CHD8: variants seen among roughly 807,000 people sequenced by gnomAD.
The protein encoded by CHD8 is ATP-dependent chromatin remodeler CHD8.
In CHD8, 31 loss-of-function variants were observed where a neutral mutation model predicts 279.2. That is an observed-to-expected ratio of 0.11 (90% confidence interval 0.08 to 0.15). The LOEUF (loss-of-function observed/expected upper bound fraction) is 0.15, where lower values mean the gene tolerates loss of function less well. Ranked by LOEUF, CHD8 falls within the 10% of genes least tolerant of loss-of-function variation. CHD8 has a pLI of 1.00. For synonymous variants in CHD8, 1,081 were observed against 1,139.6 expected, an observed-to-expected ratio of 0.95 and a Z score of 1.04; for missense variants, 2,146 against 3,230.5, an observed-to-expected ratio of 0.66 and a Z score of 8.14.
intron 5 of CHD8, among the ~76,000 whole-genome samples, chr14:21,418,770 C>G (rs572863509): frequency 1.6e-4 from 24 of 152,314 alleles, no homozygotes; most frequent in African/African-American, 5.3e-4. Flanking sequence ...GAGCGGAGAT[C>G]GCGCCACTGC....
At position 21,431,707 on chromosome 14, in the gene CHD8, GCTCTCCCCTCCC is replaced by G. The variant is rs1180358686; in HGVS notation, c.-76_-65del. 6.2e-7 allele frequency: 1 copy of G among 1,601,144 alleles called. No individual in the cohort carries two copies. Among genetic ancestry groups the G allele is most frequent in the Non-Finnish European group, 8.5e-7 (1 of 1,173,546 alleles). The stretch of plus-strand genomic sequence containing the variant: ...GGAGGGAAGGGGAGGGGGGGTACTG[GCTCTCCCCTCCC>G]CTCCCCTATTAAGAAAAAAATGTAC... On this transcript the variant is annotated 5_prime_UTR_variant, in exon 2 of 38. Transcript: ENST00000646647.
chr14:21,396,099 C>A (rs1380463301), intron 27 of CHD8, among the ~76,000 whole-genome samples: 1 of 152,134 alleles, frequency 6.6e-6, no homozygotes, highest in African/African-American at 2.4e-5. Context: ...TGGACTCAAG[C>A]GATCCTCCTC....
chr14:21,405,688 C>T lies in CHD8; in HGVS notation c.3051+33G>A. ...TTGTACAAACTTCACCTTCTTTGTC[C>T]TGAGTTAGTACCTCATCAGATAGAT... On this transcript the variant is annotated intron_variant, in intron 15 of 37. Coordinates refer to ENST00000646647, the MANE Select transcript of CHD8 (RefSeq NM_001170629.2). The surrounding 1 kb of genome is among the most constrained non-coding windows in gnomAD (Gnocchi z 4.2). The T allele has an allele frequency of 6.2e-7, 1 of 1,609,338 alleles. No homozygotes were observed. The highest frequency in any genetic ancestry group is 8.5e-7 in the Non-Finnish European group (1 of 1,177,628).
chr14:21,393,884 C>G lies in CHD8; in HGVS notation c.5911G>C (p.Gly1971Arg). The change falls in exon 32 of 38, where the codon GGA becomes CGA. Residue 1971 changes from glycine (G) to arginine (R), a missense_variant. By Grantham distance (125) the Gly-to-Arg change is moderately radical. Around this residue, in one of 26 missense-constraint regions of CHD8, gnomAD observed 513 missense variants for 637.6 expected, o/e 0.80. Coordinates refer to ENST00000646647, the MANE Select transcript of CHD8 (RefSeq NM_001170629.2). ...CGTGACAAGGATGGAGCTGGTGCTC[C>G]TGCTTGATGGTTCTGCATATAATTC... is the stretch of plus-strand genomic sequence containing the variant. Reference protein sequence around the residue: ...RMNYMQNHQAGAPAPSLSRCS... With the variant: ...RMNYMQNHQARAPAPSLSRCS... The G allele has an allele frequency of 6.2e-7, 1 of 1,613,988 alleles. No individual in the cohort carries two copies. The highest frequency in any genetic ancestry group is 8.5e-7 in the Non-Finnish European group (1 of 1,179,892).
At chr14:21,428,852 A>C in intron 3 of CHD8, 112 bp downstream of exon 3, 6 of 904,004 alleles carry the variant, frequency 6.6e-6, no homozygotes, top group Non-Finnish European at 1.0e-5. Flanking sequence ...CTCAGTTCAG[A>C]GATATAAATC....
At chr14:21,407,634 A>G (rs1165054383) in intron 13 of CHD8, among the ~76,000 whole-genome samples, 2 of 151,988 alleles carry the variant, frequency 1.3e-5, no homozygotes, top group Non-Finnish European at 2.9e-5. Flanking sequence ...TTTGAGACAC[A>G]GTCTCACTCT....
chr14:21,406,879 C>T lies in CHD8; in HGVS notation c.2884G>A (p.Asp962Asn). Residue 962 changes from aspartate to asparagine, a missense_variant, in exon 14 of 38, where the codon GAT (aspartate) becomes AAT (asparagine). Asp to Asn is a conservative substitution (Grantham distance 23). Coordinates refer to ENST00000646647, the MANE Select transcript of CHD8 (RefSeq NM_001170629.2). ...ACCAGGTCCATGTGCTTGAGACTAT[C>T]AAGCAGCTTGCAATTACGGTTTTTC... The part of the protein sequence containing the change: ...RLKNRNCKLL[D>N]SLKHMDLEHK... 1.2e-6 allele frequency: 2 copies of T among 1,613,554 alleles called. No homozygotes were observed. Among genetic ancestry groups the T allele is most frequent in the Non-Finnish European group, 1.7e-6 (2 of 1,179,698 alleles).
intron 4 of CHD8, chr14:21,426,639 A>G (rs758014930): frequency 5.7e-5 from 9 of 156,748 alleles, no homozygotes; most frequent in Non-Finnish European, 1.3e-4. Context: ...CTGAGGCTCA[A>G]ATAAGAAACA....
At chr14:21,433,670 T>C (rs532026926) in intron 1 of CHD8, among the ~76,000 whole-genome samples, 1 of 152,346 alleles carries the variant, frequency 6.6e-6, no homozygotes, top group East Asian at 1.9e-4. Context: ...AATTACAAAG[T>C]ATACATGGTA....
intron 3 of CHD8, among the ~76,000 whole-genome samples, 163 bp downstream of exon 3, chr14:21,428,801 T>C (rs113152967): frequency 1.1e-4 from 17 of 152,336 alleles, no homozygotes; most frequent in Non-Finnish European, 2.2e-4. Flanking sequence ...AATAATATAA[T>C]TAAAATAAGG....
At chr14:21,413,258 T>G (rs576212544) in intron 9 of CHD8, among the ~76,000 whole-genome samples, 1 of 152,362 alleles carries the variant, frequency 6.6e-6, no homozygotes, top group South Asian at 2.1e-4. Context: ...TCATTGCTTC[T>G]TGTATTCTTA....
chr14:21,437,281 T>G, intron 1 of CHD8: 1 of 1,138,528 alleles, frequency 8.8e-7, no homozygotes, highest in Non-Finnish European at 1.1e-6. Context: ...AACCTGATGC[T>G]CCTGCCCGCC....
chr14:21,392,207 C>T, intron 34 of CHD8: 1 of 754,584 alleles, frequency 1.3e-6, no homozygotes. Context: ...TAGGGTAAAA[C>T]TCCCTACCTG....
chr14:21,399,802 A>T, intron 25 of CHD8, 97 bp from the exon 26 acceptor site: 1 of 986,034 alleles, frequency 1.0e-6, no homozygotes, highest in Non-Finnish European at 1.6e-6. Context: ...GTATCCATTA[A>T]TTTAAATACT....
rs138000359 is a variant in CHD8, at chr14:21,430,675, T to C, written c.843+126A>G. On this transcript the variant is annotated intron_variant, in intron 2 of 37. Transcript: ENST00000646647. The stretch of plus-strand genomic sequence containing the variant: ...CTAAGTATGTGGCTGTCACACTAAC[T>C]GATAAAAACCAAAGATGGAATTTAA... The C allele has an allele frequency of 3.2e-3, 2,036 of 644,856 alleles. 12 individuals are homozygous for C. Among genetic ancestry groups the C allele is most frequent in the Middle Eastern group, 8.0e-3 (19 of 2,376 alleles). The allele number at this position is 644,856 out of a possible 1,614,324, so 39.9% of individuals were successfully genotyped here. A position where few individuals can be genotyped will look rare whatever the true frequency, so the allele number is the denominator to read the frequency against.
Position 21,385,334 on chromosome 14 carries a change from G to C in CHD8, c.*279C>G. The C allele has an allele frequency of 2.2e-6, 1 of 464,710 alleles. No homozygotes were observed. The highest frequency in any genetic ancestry group is 3.8e-6 in the Non-Finnish European group (1 of 263,822). 28.8% of individuals were successfully genotyped at this position (464,710 alleles called of 1,614,324 possible). On this transcript the variant is annotated 3_prime_UTR_variant, in exon 38 of 38. Coordinates refer to ENST00000646647, the MANE Select transcript of CHD8 (RefSeq NM_001170629.2). ...AGCGCTACATAGTCTGTGGTTAATG[G>C]AGGTGACTAGGGAGGGGTGAGCACA...
intron 16 of CHD8, among the ~76,000 whole-genome samples, chr14:21,404,398 T>TAAAAAAAAAAAAA (rs974957250): frequency 2.0e-5 from 2 of 98,672 alleles, no homozygotes; most frequent in African/African-American, 3.7e-5. Flanking sequence ...AACTCCATCT[T>TAAAAAAAAAAAAA]AAAAAAAAAA....
At chr14:21,435,412 T>C (rs1889741619) in intron 1 of CHD8, among the ~76,000 whole-genome samples, 1 of 152,216 alleles carries the variant, frequency 6.6e-6, no homozygotes, top group Non-Finnish European at 1.5e-5. Flanking sequence ...AAGTACAAAC[T>C]GATGTTCTTC....
chr14:21,428,578 T>G (rs1324444288), intron 3 of CHD8, among the ~76,000 whole-genome samples: 2 of 152,152 alleles, frequency 1.3e-5, no homozygotes, highest in Non-Finnish European at 2.9e-5. Context: ...AAATTCAAAT[T>G]CTACTCTTGG....
Sources: gnomAD v4.1 joint callset for allele counts (sites outside exome capture counted in the v4.1 genomes callset) on GRCh38, gnomAD v4.1.1 for gene constraint, gnomAD v4.1.1 regional missense constraint, Gnocchi (gnomAD v3.1) non-coding constraint, MANE v1.5 for transcripts, NCBI Gene and HGNC (gene_info 2026-07-23, HGNC 2026-07-21) for gene names.